CCDC141: variants seen among roughly 807,000 people sequenced by gnomAD.
CCDC141 encodes the protein coiled-coil domain containing 141.
A neutral mutation model predicts 181.0 loss-of-function variants in CCDC141; 168 were observed. That is an observed-to-expected ratio of 0.93 (90% CI 0.82 to 1.05). The LOEUF (loss-of-function observed/expected upper bound fraction) is 1.05. Ranked by LOEUF, CCDC141 falls within the 50% of genes least tolerant of loss-of-function variation. CCDC141 has a pLI of 0.00. For synonymous variants in CCDC141, 666 were observed against 642.3 expected, an observed-to-expected ratio of 1.04 and a Z score of -0.56; for missense variants, 1,902 against 1,788.5, an observed-to-expected ratio of 1.06 and a Z score of -1.14.
chr2:179,048,677 T>C (rs905960298), intron 1 of CCDC141, among the ~76,000 whole-genome samples: 1 of 152,194 alleles, frequency 6.6e-6, no homozygotes, highest in African/African-American at 2.4e-5. Context: ...TGCATCAGGC[T>C]TCTTTTCATC....
At chr2:178,896,099 C>A (rs1205643698) in intron 8 of CCDC141, among the ~76,000 whole-genome samples, 2 of 152,102 alleles carry the variant, frequency 1.3e-5, no homozygotes, top group Non-Finnish European at 2.9e-5. Context: ...AAAAGTGGAG[C>A]CATGAGATAG....
rs999177543 is a variant in CCDC141, at chr2:178,863,952, C to T, written c.2724+1815G>A. 1.1e-4 allele frequency among the ~76,000 whole-genome samples: 16 copies of T among 152,276 alleles called. No individual in the cohort carries two copies. In the South Asian group the frequency reaches 2.7e-3, roughly 26 times the overall value. ...TGACAGGAAGGGAAATTTGTCATCCCGGCCGGCTGGCTCCAAACACAGTCT... is the reference window on the plus strand; with the variant it reads ...TGACAGGAAGGGAAATTTGTCATCCTGGCCGGCTGGCTCCAAACACAGTCT... On this transcript the variant is annotated intron_variant, in intron 17 of 23. Coordinates refer to ENST00000443758, the MANE Select transcript of CCDC141 (RefSeq NM_173648.4).
chr2:178,884,582 T>C (rs1296528666), intron 11 of CCDC141, among the ~76,000 whole-genome samples: 2 of 152,170 alleles, frequency 1.3e-5, no homozygotes, highest in South Asian at 2.1e-4. Flanking sequence ...CCCTCCTTTT[T>C]GTTTTCCTTG....
intron 5 of CCDC141, among the ~76,000 whole-genome samples, chr2:178,952,060 G>A (rs1456084174): frequency 1.3e-5 from 2 of 152,254 alleles, no homozygotes; most frequent in Non-Finnish European, 2.9e-5. Flanking sequence ...GGCGGAGAAA[G>A]TTAAGGAGGG....
At chr2:178,910,984 T>C (rs889664613) in intron 7 of CCDC141, among the ~76,000 whole-genome samples, 1 of 152,244 alleles carries the variant, frequency 6.6e-6, no homozygotes, top group Admixed American at 6.5e-5. Context: ...TTCTGAGGAA[T>C]ACAACTAGAC....
rs142148621 is a variant in CCDC141 at position 178,941,555 on chromosome 2, A to G, written c.897+2980T>C. ...AGATGGATTTAAGATTGATGGCTCT[A>G]TAGCTCAACCCATAGTTTGGAAGGA... On this transcript the variant is annotated intron_variant, in intron 6 of 23. Coordinates refer to ENST00000443758, the MANE Select transcript of CCDC141 (RefSeq NM_173648.4). 3.6e-3 allele frequency among the ~76,000 whole-genome samples: 549 copies of G among 152,322 alleles called. 1 individual carries two copies. The highest frequency in any genetic ancestry group is 0.024 in the Middle Eastern group (7 of 294).
chr2:178,989,733 G>C (rs896730909), intron 2 of CCDC141, among the ~76,000 whole-genome samples: 1 of 147,012 alleles, frequency 6.8e-6, no homozygotes, highest in Non-Finnish European at 1.5e-5. Flanking sequence ...TGGCAAACAA[G>C]TGCACACAAA....
At chr2:178,984,612 T>C (rs1489407025) in intron 2 of CCDC141, among the ~76,000 whole-genome samples, 5 of 148,938 alleles carry the variant, frequency 3.4e-5, no homozygotes, top group Admixed American at 3.3e-4. Context: ...AATAAAAGGA[T>C]GGAGGAAGAT....
intron 8 of CCDC141, 131 bp from the exon 9 acceptor site, chr2:178,888,799 T>C (rs774671810): frequency 1.8e-5 from 17 of 930,802 alleles, no homozygotes; most frequent in Non-Finnish European, 2.2e-5. Flanking sequence ...AGAAGTTAAG[T>C]AGCTATCATC....
chr2:179,018,362 G>A (rs574318268), intron 2 of CCDC141, among the ~76,000 whole-genome samples: 18 of 152,238 alleles, frequency 1.2e-4, no homozygotes, highest in Middle Eastern at 3.4e-3. Context: ...TTATAGAAAC[G>A]CACTTAGTTT....
At chr2:178,883,172 C>T (rs1686709040) in intron 11 of CCDC141, among the ~76,000 whole-genome samples, 1 of 152,186 alleles carries the variant, frequency 6.6e-6, no homozygotes, top group African/African-American at 2.4e-5. Context: ...GCAAGCACTT[C>T]TTTGTAGCTT....
At position 178,900,074 on chromosome 2, in the gene CCDC141, C is replaced by T. The variant is rs137874494; in HGVS notation, c.1265+5255G>A. Among the ~76,000 whole-genome samples the T allele has an allele frequency of 2.6e-3, 397 of 152,228 alleles. 1 individual carries two copies. Among genetic ancestry groups the T allele is most frequent in the Non-Finnish European group, 4.5e-3 (305 of 68,012 alleles). Reference sequence around the variant, plus strand: ...CAATTTTATTTTATCTTCAGCTCCTCCTGCAAAATGAAAATAGTATTGATT... The same window carrying T: ...CAATTTTATTTTATCTTCAGCTCCTTCTGCAAAATGAAAATAGTATTGATT... On this transcript the variant is annotated intron_variant, in intron 8 of 23. Transcript: ENST00000443758.
At chr2:178,931,454 A>G (rs1210335360) in intron 6 of CCDC141, among the ~76,000 whole-genome samples, 4 of 152,238 alleles carry the variant, frequency 2.6e-5, no homozygotes, top group Non-Finnish European at 5.9e-5. Flanking sequence ...GCTAAATGAA[A>G]GGTGGTATAT....
At chr2:178,839,596 AAAAAAAAAAAAT>A (rs1316252467) in intron 22 of CCDC141, among the ~76,000 whole-genome samples, 1 of 150,624 alleles carries the variant, frequency 6.6e-6, no homozygotes, top group Non-Finnish European at 1.5e-5. Context: ...AAAAAAAAAA[AAAAAAAAAAAAT>A]GTGTTTTCAG....
chr2:179,025,248 G>T (rs574718808), intron 2 of CCDC141, among the ~76,000 whole-genome samples: 6 of 152,014 alleles, frequency 3.9e-5, no homozygotes, highest in East Asian at 1.9e-4. Context: ...GTAATTTTTT[G>T]ATCTTCACCC....
intron 2 of CCDC141, among the ~76,000 whole-genome samples, chr2:178,999,960 A>G (rs2041913764): frequency 6.6e-6 from 1 of 152,072 alleles, no homozygotes; most frequent in East Asian, 1.9e-4. Context: ...TGATTATAAA[A>G]GTAATGTAAG....
Position 178,838,039 on chromosome 2 carries a change from C to T in CCDC141, c.3475-295G>A, listed in dbSNP as rs1420544436. On this transcript the variant is annotated intron_variant, in intron 22 of 23. Transcript: ENST00000443758. The stretch of plus-strand genomic sequence containing the variant: ...TTCCATCTGTAGTGAAGGGGTTGGA[C>T]TAGATCAACATCTTTCAAACCATGA... Among the ~76,000 whole-genome samples the T allele has an allele frequency of 2.0e-5, 3 of 152,124 alleles. No homozygotes were observed. The East Asian group carries it at 5.8e-4, about 29-fold the overall frequency.
At chr2:178,877,172 T>C (rs1686389986) in intron 12 of CCDC141, 1 of 152,108 alleles carries the variant, frequency 6.6e-6, no homozygotes, top group Non-Finnish European at 1.5e-5. Context: ...TCATAAATGA[T>C]GGAAAGGATT....
At chr2:178,903,759 T>C (rs957495075) in intron 8 of CCDC141, among the ~76,000 whole-genome samples, 37 of 143,938 alleles carry the variant, frequency 2.6e-4, no homozygotes, top group Admixed American at 8.2e-4. Context: ...AGTATAGTAA[T>C]AATTTAAAAA....
Sources: gnomAD v4.1 joint callset for allele counts (sites outside exome capture counted in the v4.1 genomes callset) on GRCh38, gnomAD v4.1.1 for gene constraint, MANE v1.5 for transcripts, NCBI Gene and HGNC (gene_info 2026-07-23, HGNC 2026-07-21) for gene names.